CXCR6: variants seen among roughly 807,000 people sequenced by gnomAD.
CXCR6 encodes the protein C-X-C motif chemokine receptor 6.
In CXCR6, 3 loss-of-function variants were observed where a neutral mutation model predicts 1.6. The observed-to-expected ratio is 1.83, with a 90% CI of 0.83 to 4.72. The LOEUF is 4.72. Ranked by LOEUF, CXCR6 falls within the 30% of genes most tolerant of loss-of-function variation. The pLI, the probability that CXCR6 is intolerant of heterozygous loss-of-function variation, is 0.02. For missense variants in CXCR6, 326 were observed against 414.8 expected (o/e 0.79, Z 1.86); for synonymous variants, 171 against 159.2 (o/e 1.07, Z -0.56).
At chr3:45,944,227 T>C (rs938966544) in intron 1 of CXCR6, among the ~76,000 whole-genome samples, 5 of 151,944 alleles carry the variant, frequency 3.3e-5, no homozygotes, top group Non-Finnish European at 5.9e-5. Flanking sequence ...TATATATATA[T>C]ACATTATTTC....
chr3:45,944,247 G>A (rs1408156232), intron 1 of CXCR6, among the ~76,000 whole-genome samples: 1 of 152,058 alleles, frequency 6.6e-6, no homozygotes, highest in East Asian at 1.9e-4. Flanking sequence ...CTGAGAAAAG[G>A]TCTGCAGTTT....
upstream of CXCR6, among the ~76,000 whole-genome samples, chr3:45,941,507 T>C (rs1427738080): frequency 2.0e-5 from 3 of 152,346 alleles, no homozygotes; most frequent in East Asian, 5.8e-4. Flanking sequence ...ATTAACACTA[T>C]AAATTGGCAG....
At chr3:45,941,439 T>C (rs1704218503), upstream of CXCR6, 1 of 152,200 alleles carries the variant, frequency 6.6e-6, no homozygotes, top group African/African-American at 2.4e-5. Flanking sequence ...TATGATTGGG[T>C]TCCCACCCTT....
chr3:45,941,781 G>A (rs1221253170), upstream of CXCR6, among the ~76,000 whole-genome samples: 1 of 152,248 alleles, frequency 6.6e-6, no homozygotes, highest in African/African-American at 2.4e-5. Context: ...GGCCAAGGGT[G>A]CTTGACAAGG....
intron 1 of CXCR6, among the ~76,000 whole-genome samples, chr3:45,944,354 A>T (rs967105046): frequency 6.6e-6 from 1 of 152,190 alleles, no homozygotes; most frequent in Non-Finnish European, 1.5e-5. Flanking sequence ...AATAGTTAAT[A>T]CTTATTTTGC....
At chr3:45,944,774 G>T (rs1704473926) in intron 1 of CXCR6, among the ~76,000 whole-genome samples, 1 of 152,092 alleles carries the variant, frequency 6.6e-6, no homozygotes, top group Non-Finnish European at 1.5e-5. Flanking sequence ...GGAACAGGAA[G>T]ATACCAAAAA....
chr3:45,947,878 A>G lies in CXCR6; in HGVS notation c.*368A>G, dbSNP rs1704736911. 1 of 242,168 alleles carries G rather than the reference A, an allele frequency of 4.1e-6. No individual in the cohort carries two copies. The highest frequency in any genetic ancestry group is 7.9e-5 in the South Asian group (1 of 12,650). The allele number at this position is 242,168 out of a possible 1,614,324, so 15.0% of individuals were successfully genotyped here. ...CAAAGCTGTTGATGGTAGGTGGCACACTGGGTGCCCAAGCTCAGAAGGCTC... is the reference window on the plus strand; with the variant it reads ...CAAAGCTGTTGATGGTAGGTGGCACGCTGGGTGCCCAAGCTCAGAAGGCTC... On this transcript the variant is annotated 3_prime_UTR_variant, in exon 2 of 2. Transcript: ENST00000304552.
At chr3:45,944,622 T>C (rs995068129) in intron 1 of CXCR6, among the ~76,000 whole-genome samples, 2 of 152,208 alleles carry the variant, frequency 1.3e-5, no homozygotes. Context: ...AAGTAATTTT[T>C]CATACTCTAT....
intron 1 of CXCR6, chr3:45,945,109 G>A (rs1704500730): frequency 6.6e-6 from 1 of 152,230 alleles, no homozygotes; most frequent in Non-Finnish European, 1.5e-5. Flanking sequence ...GAGGCAAGCA[G>A]CAGCATCGGA....
Position 45,947,187 on chromosome 3 carries a change from G to C in CXCR6, c.706G>C (p.Val236Leu). Residue 236 changes from valine (V) to leucine (L), a missense_variant, in exon 2 of 2, where the codon GTG (valine) becomes CTG (leucine). Val to Leu is a conservative substitution (Grantham distance 32). Transcript: ENST00000304552. ...CAGATCTCTAAAGATCATCTTCCTG[G>C]TGATGGCTGTGTTCCTGCTGACCCA... ...KHRSLKIIFL[V>L]MAVFLLTQMP... 6.2e-7 allele frequency: 1 copy of C among 1,614,156 alleles called. No individual in the cohort carries two copies. The highest frequency in any genetic ancestry group is 8.5e-7 in the Non-Finnish European group (1 of 1,180,026).
rs1704692435 is a variant in CXCR6 at position 45,947,419 on chromosome 3, G to A, written c.938G>A (p.Gly313Glu). The change falls in exon 2 of 2, where the codon GGG becomes GAG. Residue 313 changes from glycine to glutamate, a missense_variant. By Grantham distance (98) the Gly-to-Glu change is moderately conservative. Coordinates refer to ENST00000304552, the MANE Select transcript of CXCR6 (RefSeq NM_006564.2). ...GACATTGGTTGCCTCCCTTACCTTG[G>A]GGTCTCACATCAATGGAAATCTTCT... ...VKDIGCLPYL[G>E]VSHQWKSSED... is the part of the protein sequence containing the mutation. 1 of 1,614,042 alleles carries A rather than the reference G, an allele frequency of 6.2e-7. No homozygotes were observed. The highest frequency in any genetic ancestry group is 1.3e-5 in the African/African-American group (1 of 74,906).
In CXCR6 at chr3:45,948,229, T is replaced by A. The variant is rs1305059503; in HGVS notation, c.*719T>A. ...GTGGCTTTGCATTTTAAAAATGAAA[T>A]TTTCCAATGTCTGCCACACAAACGT... On this transcript the variant is annotated 3_prime_UTR_variant, in exon 2 of 2. Coordinates refer to ENST00000304552, the MANE Select transcript of CXCR6 (RefSeq NM_006564.2). 6.0e-6 allele frequency: 1 copy of A among 167,082 alleles called. No individual in the cohort carries two copies. The allele number at this position is 167,082 out of a possible 1,614,324, so 10.3% of individuals were successfully genotyped here. A position where few individuals can be genotyped will look rare whatever the true frequency, so the allele number is the denominator to read the frequency against.
At chr3:45,942,596 G>C (rs1348960810), upstream of CXCR6, among the ~76,000 whole-genome samples, 2 of 152,180 alleles carry the variant, frequency 1.3e-5, no homozygotes, top group Non-Finnish European at 2.9e-5. Flanking sequence ...CCTCTCCCTA[G>C]TACCCTCTCC....
At chr3:45,944,629 C>T (rs186686076) in intron 1 of CXCR6, among the ~76,000 whole-genome samples, 1 of 152,198 alleles carries the variant, frequency 6.6e-6, no homozygotes, top group African/African-American at 2.4e-5. Flanking sequence ...TTTTCATACT[C>T]TATTTGCACA....
intron 1 of CXCR6, chr3:45,945,542 C>T (rs1224983747): frequency 6.6e-6 from 1 of 152,176 alleles, no homozygotes; most frequent in Non-Finnish European, 1.5e-5. Context: ...CATCTGGCAT[C>T]CCATTTCAAT....
At chr3:45,942,196 AG>A, upstream of CXCR6, among the ~76,000 whole-genome samples, 1 of 152,410 alleles carries the variant, frequency 6.6e-6, no homozygotes, top group South Asian at 2.1e-4. Context: ...AGAGCAGGGC[AG>A]GAAGCACTGG....
At chr3:45,941,292 C>T (rs1045552409), upstream of CXCR6, 15 of 152,218 alleles carry the variant, frequency 9.9e-5, no homozygotes, top group African/African-American at 3.6e-4. Flanking sequence ...TCTGCCAGGT[C>T]TTCAGGTAAG....
chr3:45,947,207 G>A lies in CXCR6; in HGVS notation c.726G>A (p.Leu242=), dbSNP rs558099799. 2.7e-5 allele frequency: 43 copies of A among 1,614,032 alleles called. No individual in the cohort carries two copies. Among genetic ancestry groups the A allele is most frequent in the Non-Finnish European group, 3.5e-5 (41 of 1,180,038 alleles). ...TCCTGGTGATGGCTGTGTTCCTGCT[G>A]ACCCAGATGCCCTTCAACCTCATGA... is the stretch of plus-strand genomic sequence containing the variant. ...IIFLVMAVFL[L]TQMPFNLMKF... The change falls in exon 2 of 2, where the codon CTG becomes CTA. Residue 242 remains leucine, a synonymous_variant. Coordinates refer to ENST00000304552, the MANE Select transcript of CXCR6 (RefSeq NM_006564.2).
chr3:45,942,358 T>G (rs981012736), upstream of CXCR6, among the ~76,000 whole-genome samples: 1 of 152,190 alleles, frequency 6.6e-6, no homozygotes, highest in Non-Finnish European at 1.5e-5. Context: ...AGGCTTGCGG[T>G]AGAAATGAGT....
Sources: allele counts gnomAD v4.1 joint callset (sites outside exome capture counted in the v4.1 genomes callset), GRCh38; gene constraint gnomAD v4.1.1; transcripts MANE v1.5; gene names NCBI Gene and HGNC (gene_info 2026-07-23, HGNC 2026-07-21).